Variants in KRAS observed in about 807,000 individuals in gnomAD.
KRAS encodes GTPase KRas.
Under a neutral mutation model 21.0 loss-of-function variants are expected in KRAS, and 1 was observed. That is an observed-to-expected ratio of 0.05 (90% CI 0.02 to 0.23). The LOEUF is 0.23. Ranked by LOEUF, KRAS falls within the 10% of genes least tolerant of loss-of-function variation. KRAS has a pLI of 1.00. For synonymous variants in KRAS, 67 were observed against 72.5 expected, an observed-to-expected ratio of 0.92 and a Z score of 0.39; for missense variants, 107 against 221.8, an observed-to-expected ratio of 0.48 and a Z score of 3.29.
intron 4 of KRAS, among the ~76,000 whole-genome samples, chr12:25,218,124 G>A (rs1240259964): frequency 6.6e-6 from 1 of 151,694 alleles, no homozygotes; most frequent in Non-Finnish European, 1.5e-5. Flanking sequence ...GAAAATCAAT[G>A]TAAGAAATTT....
intron 4 of KRAS, among the ~76,000 whole-genome samples, chr12:25,219,511 A>T (rs546325806): frequency 6.6e-6 from 1 of 152,294 alleles, no homozygotes; most frequent in South Asian, 2.1e-4. Flanking sequence ...GTTTTAAGTA[A>T]GTTTTTGTTC....
At chr12:25,215,517 T>C (rs368557003) in intron 4 of KRAS, 9 of 1,612,244 alleles carry the variant, frequency 5.6e-6, no homozygotes, top group Non-Finnish European at 7.6e-6. Context: ...CAATCTGTAT[T>C]GTCGGATCTC....
chr12:25,250,312 TGGAAAG>T (rs1565893961), intron 1 of KRAS, among the ~76,000 whole-genome samples: 1 of 150,912 alleles, frequency 6.6e-6, no homozygotes, highest in Admixed American at 6.6e-5. Flanking sequence ...AGCCGAGTGC[TGGAAAG>T]GGAGGCAAGA....
chr12:25,219,358 A>C (rs1214428930), intron 4 of KRAS, among the ~76,000 whole-genome samples: 1 of 152,246 alleles, frequency 6.6e-6, no homozygotes, highest in Admixed American at 6.5e-5. Context: ...TAAAATCAAG[A>C]GATTGACAAC....
intron 3 of KRAS, among the ~76,000 whole-genome samples, chr12:25,226,127 G>T (rs1190632307): frequency 1.3e-5 from 2 of 151,988 alleles, no homozygotes; most frequent in Non-Finnish European, 2.9e-5. Context: ...AATGTGTAAA[G>T]ATAAAAAATA....
intron 2 of KRAS, among the ~76,000 whole-genome samples, chr12:25,239,041 C>T (rs1416042006): frequency 2.0e-5 from 3 of 152,236 alleles, no homozygotes; most frequent in Non-Finnish European, 2.9e-5. Flanking sequence ...CTTCTCCATA[C>T]CCTTCCTAGC....
At chr12:25,235,979 C>A (rs1480748596) in intron 2 of KRAS, among the ~76,000 whole-genome samples, 4 of 152,100 alleles carry the variant, frequency 2.6e-5, no homozygotes, top group Non-Finnish European at 5.9e-5. Context: ...CTAATGCTGC[C>A]GATCTGACAG....
At chr12:25,223,767 G>A (rs1369348476) in intron 4 of KRAS, among the ~76,000 whole-genome samples, 2 of 151,976 alleles carry the variant, frequency 1.3e-5, no homozygotes, top group East Asian at 1.9e-4. Context: ...CTTCTAGAAC[G>A]CTTGTTTTTA....
chr12:25,247,476 A>C (rs955892673), intron 1 of KRAS, among the ~76,000 whole-genome samples: 1 of 152,204 alleles, frequency 6.6e-6, no homozygotes, highest in African/African-American at 2.4e-5. Flanking sequence ...CATGTATCTT[A>C]TCCCGTTTGC....
Position 25,205,859 on chromosome 12 carries a change from TAGAA to T in KRAS, c.*3932_*3935del, listed in dbSNP as rs1028574245. On this transcript the variant is annotated 3_prime_UTR_variant, in exon 5 of 5. Transcript: ENST00000311936. Reference sequence around the variant, plus strand: ...AAGAACTCATGTGAGTATCTTTCTTTAGAAAGAAAGTTTCATTTTATGACAGCTA... The same window carrying T: ...AAGAACTCATGTGAGTATCTTTCTTTAGAAAGTTTCATTTTATGACAGCTA... The T allele has an allele frequency of 2.3e-5, 5 of 216,134 alleles. No homozygotes were observed. The highest frequency in any genetic ancestry group is 4.7e-5 in the Non-Finnish European group (5 of 107,372). The allele number at this position is 216,134 out of a possible 1,614,324, so 13.4% of individuals were successfully genotyped here.
chr12:25,237,152 C>T (rs996501657), intron 2 of KRAS, among the ~76,000 whole-genome samples: 1 of 152,106 alleles, frequency 6.6e-6, no homozygotes, highest in African/African-American at 2.4e-5. Flanking sequence ...CAAAAGGCCA[C>T]GTCTGTACGA....
At chr12:25,232,965 T>C (rs932997128) in intron 2 of KRAS, among the ~76,000 whole-genome samples, 1 of 152,208 alleles carries the variant, frequency 6.6e-6, no homozygotes, top group Non-Finnish European at 1.5e-5. Context: ...TAAGAAAATA[T>C]GTGGTTTTTT....
chr12:25,215,706 G>T (rs1951247908), intron 4 of KRAS: 1 of 688,524 alleles, frequency 1.5e-6, no homozygotes, highest in Non-Finnish European at 2.6e-6. Flanking sequence ...TAAAACTGAG[G>T]ATGCAGTTTT....
intron 2 of KRAS, among the ~76,000 whole-genome samples, chr12:25,232,184 T>C (rs895538915): frequency 3.3e-5 from 5 of 152,214 alleles, no homozygotes; most frequent in Non-Finnish European, 7.3e-5. Flanking sequence ...TGCATCAATG[T>C]AGACTCTTTC....
chr12:25,215,442 T>C (rs2141488642), intron 4 of KRAS: 1 of 1,613,300 alleles, frequency 6.2e-7, no homozygotes, highest in African/African-American at 1.3e-5. Flanking sequence ...CTTACCAGAT[T>C]ACATTATAAT....
At chr12:25,236,296 A>C (rs965475148) in intron 2 of KRAS, among the ~76,000 whole-genome samples, 1 of 152,194 alleles carries the variant, frequency 6.6e-6, no homozygotes, top group Non-Finnish European at 1.5e-5. Context: ...ATGACAAATT[A>C]TAGAAAGGGA....
chr12:25,236,652 G>A (rs1951548100), intron 2 of KRAS, among the ~76,000 whole-genome samples: 1 of 152,036 alleles, frequency 6.6e-6, no homozygotes, highest in Non-Finnish European at 1.5e-5. Context: ...GAAGAAGGGG[G>A]AGGGAGGGAG....
At chr12:25,218,228 TA>T (rs36118907) in intron 4 of KRAS, among the ~76,000 whole-genome samples, 29,624 of 147,100 alleles carry the variant, frequency 0.2, 2,942 homozygotes, top group Middle Eastern at 0.25. Flanking sequence ...TATTTCTGTT[TA>T]AAAAAAAAAA....
rs1951126965 is a variant in KRAS, at chr12:25,205,542, G to A, written c.*4253C>T. 2 of 214,950 alleles carry A rather than the reference G, an allele frequency of 9.3e-6. No individual in the cohort carries two copies. The highest frequency in any genetic ancestry group is 1.9e-5 in the Non-Finnish European group (2 of 106,258). 13.3% of individuals were successfully genotyped at this position (214,950 alleles called of 1,614,324 possible). On this transcript the variant is annotated 3_prime_UTR_variant, in exon 5 of 5. Transcript: ENST00000311936. ...ACAAAAATAGTTAAAATACATTCCA[G>A]GTAAACATGTTACATTAAGAAATAG...
Sources: allele counts gnomAD v4.1 joint callset (sites outside exome capture counted in the v4.1 genomes callset), GRCh38; gene constraint gnomAD v4.1.1; transcripts MANE v1.5; gene names NCBI Gene and HGNC (gene_info 2026-07-23, HGNC 2026-07-21).